Variants in MCTP2 observed in about 807,000 individuals in gnomAD.
MCTP2 encodes multiple C2 and transmembrane domain-containing protein 2.
A neutral mutation model predicts 111.6 loss-of-function variants in MCTP2; 132 were observed. The observed-to-expected ratio is 1.18, with a 90% confidence interval of 1.03 to 1.37. The LOEUF (loss-of-function observed/expected upper bound fraction) is 1.37, where lower values mean the gene tolerates loss of function less well. Ranked by LOEUF, MCTP2 falls within the 40% of genes most tolerant of loss-of-function variation. The probability of loss-of-function intolerance (pLI) is 0.00; values close to 1 mark genes in which losing one functional copy is unlikely to be tolerated. For missense variants in MCTP2, 1,183 were observed against 1,067.9 expected (o/e 1.11, Z -1.50); for synonymous variants, 395 against 387.7 (o/e 1.02, Z -0.22).
At chr15:94,368,947 T>G (rs1194983154) in intron 11 of MCTP2, among the ~76,000 whole-genome samples, 1 of 152,240 alleles carries the variant, frequency 6.6e-6, no homozygotes, top group Admixed American at 6.5e-5. Flanking sequence ...TGAGTGCTTC[T>G]TCAGCTAGCA....
At position 94,242,963 on chromosome 15, in the gene MCTP2, GTA is replaced by G. The variant is rs760843107; in HGVS notation, c.-66+11303_-66+11304del. Among the ~76,000 whole-genome samples, 9 of 102,068 alleles carry G rather than the reference GTA, an allele frequency of 8.8e-5. No homozygotes were observed. In the East Asian group the frequency reaches 2.0e-3, roughly 22 times the overall value. The allele number at this position is 102,068 out of a possible 152,430, so 67.0% of individuals were successfully genotyped here. The stretch of plus-strand genomic sequence containing the variant: ...TATATGTAGATACACATATACACGT[GTA>G]TATGTGTATCTACACATACACGTGT... On this transcript the variant is annotated intron_variant, in intron 1 of 22. Transcript: ENST00000357742.
At position 94,483,737 on chromosome 15, in the gene MCTP2, G is replaced by GA. The variant is rs1210861085; in HGVS notation, c.*4708dup. 1 of 152,034 alleles carries GA rather than the reference G, an allele frequency of 6.6e-6. No homozygotes were observed. Among genetic ancestry groups the GA allele is most frequent in the Non-Finnish European group, 1.5e-5 (1 of 68,002 alleles). The allele number at this position is 152,034 out of a possible 1,614,324, so 9.4% of individuals were successfully genotyped here. ...AGGGTGAAAGGAGGAAGAGGATCAG[G>GA]AAAAATAATGAGTACCAGGCTTAAT... is the stretch of plus-strand genomic sequence containing the variant. On this transcript the variant is annotated 3_prime_UTR_variant, in exon 23 of 23. Transcript: ENST00000357742.
chr15:94,426,141 T>TGAGA (rs10603478), intron 17 of MCTP2, among the ~76,000 whole-genome samples: 454 of 140,924 alleles, frequency 3.2e-3, no homozygotes, highest in Middle Eastern at 0.011. Flanking sequence ...AGAGAGAGAT[T>TGAGA]GAGAGAGAGA....
chr15:94,310,112 C>A lies in MCTP2; in HGVS notation c.466-4170C>A, dbSNP rs2076058429. Among the ~76,000 whole-genome samples, 6 of 152,242 alleles carry A rather than the reference C, an allele frequency of 3.9e-5. No individual in the cohort carries two copies. In the South Asian group the frequency reaches 1.2e-3, roughly 32 times the overall value. ...GGTAAACAATCAATAGATAGTACAT[C>A]CCCAGGATGGAACACTACTCAGCAA... On this transcript the variant is annotated intron_variant, in intron 2 of 22. Transcript: ENST00000357742.
chr15:94,342,603 C>A (rs994011324), intron 7 of MCTP2: 2 of 121,084 alleles, frequency 1.7e-5, no homozygotes, highest in South Asian at 2.6e-4. Context: ...CACACACACA[C>A]ACATATATAT....
chr15:94,325,787 G>A lies in MCTP2; in HGVS notation c.637+10150G>A, dbSNP rs116565649. On this transcript the variant is annotated intron_variant, in intron 4 of 22. Coordinates refer to ENST00000357742, the MANE Select transcript of MCTP2 (RefSeq NM_001385001.1). ...CACCACTAGGCCTTACCGAAATTCT[G>A]AACCTACTCTACTCCATCGCTCCGA... is the stretch of plus-strand genomic sequence containing the variant. Among the ~76,000 whole-genome samples, 200 of 144,122 alleles carry A rather than the reference G, an allele frequency of 1.4e-3. 1 individual carries two copies. The highest frequency in any genetic ancestry group is 5.2e-3 in the African/African-American group (196 of 37,902). The allele number at this position is 144,122 out of a possible 152,430, so 94.5% of individuals were successfully genotyped here.
chr15:94,384,768 G>C (rs1169729393), intron 13 of MCTP2, among the ~76,000 whole-genome samples: 2 of 152,194 alleles, frequency 1.3e-5, no homozygotes, highest in Non-Finnish European at 2.9e-5. Flanking sequence ...TTCATTTTGA[G>C]TAGAGTTAAT....
intron 3 of MCTP2, 27 bp downstream of exon 3, chr15:94,314,371 A>T (rs1469755436): frequency 4.0e-6 from 6 of 1,518,672 alleles, no homozygotes; most frequent in Non-Finnish European, 9.1e-7. Context: ...AAAAAGAAAC[A>T]TTAAATGTTG....
intron 1 of MCTP2, among the ~76,000 whole-genome samples, chr15:94,246,536 C>T (rs1432783447): frequency 6.6e-6 from 1 of 152,064 alleles, no homozygotes; most frequent in African/African-American, 2.4e-5. Context: ...ACTTTAATGC[C>T]ATATAATGTG....
At chr15:94,317,097 C>T (rs993373358) in intron 4 of MCTP2, among the ~76,000 whole-genome samples, 1 of 151,988 alleles carries the variant, frequency 6.6e-6, no homozygotes, top group Non-Finnish European at 1.5e-5. Flanking sequence ...ATTTTTATAA[C>T]CTATTTTGTT....
chr15:94,312,394 A>G (rs1178644642), intron 2 of MCTP2, among the ~76,000 whole-genome samples: 1 of 152,222 alleles, frequency 6.6e-6, no homozygotes, highest in Non-Finnish European at 1.5e-5. Context: ...TGCAGGAGAT[A>G]CCAAGAACTA....
At chr15:94,328,256 G>A (rs1382134088) in intron 4 of MCTP2, among the ~76,000 whole-genome samples, 3 of 151,524 alleles carry the variant, frequency 2.0e-5, no homozygotes, top group Non-Finnish European at 4.4e-5. Flanking sequence ...AGCCTCATGA[G>A]TAGCTGGGAC....
chr15:94,420,656 C>A (rs2082582988), intron 17 of MCTP2, among the ~76,000 whole-genome samples: 1 of 152,120 alleles, frequency 6.6e-6, no homozygotes, highest in African/African-American at 2.4e-5. Context: ...GAAAATGTGA[C>A]TGAATTGCTA....
At position 94,358,531 on chromosome 15, in the gene MCTP2, A is replaced by G. The variant is rs2078752648; in HGVS notation, c.1220A>G (p.His407Arg). The G allele has an allele frequency of 1.2e-6, 2 of 1,613,680 alleles. No individual in the cohort carries two copies. Among genetic ancestry groups the G allele is most frequent in the African/African-American group, 1.3e-5 (1 of 74,908 alleles). ...NPQWQEQFDF[H>R]YFSDRMGILD... ...CAGTGGCAGGAACAGTTTGACTTTC[A>G]CTACTTCTCTGACAGGATGGGCATT... is the stretch of plus-strand genomic sequence containing the variant. The change falls in exon 10 of 23, where the codon CAC becomes CGC. Residue 407 changes from histidine (H) to arginine (R), a missense_variant. Transcript: ENST00000357742.
At chr15:94,406,990 G>C (rs2152481669) in intron 17 of MCTP2, among the ~76,000 whole-genome samples, 1 of 151,638 alleles carries the variant, frequency 6.6e-6, no homozygotes, top group South Asian at 2.1e-4. Context: ...CATATGTCTA[G>C]TGGGGATCTC....
chr15:94,340,373 C>T, intron 6 of MCTP2, 98 bp downstream of exon 6: 1 of 848,484 alleles, frequency 1.2e-6, no homozygotes, highest in Non-Finnish European at 1.9e-6. Flanking sequence ...ACAAAAATAA[C>T]ATATCTGAAC....
intron 7 of MCTP2, 88 bp from the exon 8 acceptor site, chr15:94,345,041 C>G (rs993062104): frequency 2.1e-6 from 3 of 1,448,316 alleles, no homozygotes; most frequent in Non-Finnish European, 1.9e-6. Context: ...CCTGGACCAT[C>G]TAACATAATA....
chr15:94,401,039 T>C (rs2081561898), intron 16 of MCTP2, among the ~76,000 whole-genome samples: 1 of 152,126 alleles, frequency 6.6e-6, no homozygotes, highest in Non-Finnish European at 1.5e-5. Flanking sequence ...GTGGGTGGGG[T>C]AGCTGCTTTG....
intron 20 of MCTP2, among the ~76,000 whole-genome samples, chr15:94,462,760 C>G (rs1270848686): frequency 6.6e-6 from 1 of 152,182 alleles, no homozygotes; most frequent in Non-Finnish European, 1.5e-5. Flanking sequence ...ACTTATTTAA[C>G]TTTTAGGACT....
Sources: gnomAD v4.1 joint callset for allele counts (sites outside exome capture counted in the v4.1 genomes callset) on GRCh38, gnomAD v4.1.1 for gene constraint, MANE v1.5 for transcripts, NCBI Gene and HGNC (gene_info 2026-07-23, HGNC 2026-07-21) for gene names.